Variants in CLNK observed in about 807,000 individuals in gnomAD.
The protein encoded by CLNK is cytokine-dependent hematopoietic cell linker.
Under a neutral mutation model 68.6 loss-of-function variants are expected in CLNK, and 74 were observed. That is an observed-to-expected ratio of 1.08 (90% CI 0.89 to 1.31). The LOEUF (loss-of-function observed/expected upper bound fraction) is 1.31. CLNK is among the 50% of genes most tolerant of loss of function. The probability of loss-of-function intolerance (pLI) is 0.00; values close to 1 mark genes in which losing one functional copy is unlikely to be tolerated. For missense variants in CLNK, 553 were observed against 515.3 expected (o/e 1.07, Z -0.71); for synonymous variants, 198 against 172.2 (o/e 1.15, Z -1.17).
the CLNK span, among the ~76,000 whole-genome samples, chr4:10,713,928 C>CT: frequency 2.0e-5 from 3 of 152,126 alleles, no homozygotes; most frequent in East Asian, 1.9e-4. Flanking sequence ...TAATGCAATC[C>CT]TTTTTTAGAC....
In CLNK at chr4:10,501,334, G is replaced by C. The variant is rs924115817; in HGVS notation, c.1062C>G (p.Asn354Lys). ...EPYVLAVFYE[N>K]KVYNVKIRFL... is the part of the protein sequence containing the mutation. ...AGCGTATTTTTACATTGTAGACTTT[G>C]TTCTCATAAAACACAGCCAAAACAT... is the stretch of plus-strand genomic sequence containing the variant. The change falls in exon 18 of 19, where the codon AAC becomes AAG. Residue 354 changes from asparagine (N) to lysine (K), a missense_variant. Physicochemically the swap from Asn to Lys is moderately conservative, Grantham distance 94. Transcript: ENST00000226951. 1.2e-6 allele frequency: 2 copies of C among 1,609,308 alleles called. No individual in the cohort carries two copies. Among genetic ancestry groups the C allele is most frequent in the African/African-American group, 2.7e-5 (2 of 74,610 alleles).
In CLNK at chr4:10,642,321, G is replaced by A. The variant is rs563771525; in HGVS notation, c.11+25538C>T. Among the ~76,000 whole-genome samples, 5 of 152,268 alleles carry A rather than the reference G, an allele frequency of 3.3e-5. No individual in the cohort carries two copies. In the East Asian group the frequency reaches 9.7e-4, roughly 29 times the overall value. On this transcript the variant is annotated intron_variant, in intron 2 of 18. Coordinates refer to ENST00000226951, the MANE Select transcript of CLNK (RefSeq NM_052964.4). ...GCCGAGATATTGCACTTGCCCTCAG[G>A]GAGCTTCTGATTGAAAGGCCAAGGC...
intron 2 of CLNK, among the ~76,000 whole-genome samples, chr4:10,658,022 A>G (rs1215638059): frequency 6.6e-6 from 1 of 152,142 alleles, no homozygotes; most frequent in East Asian, 1.9e-4. Flanking sequence ...TGTCTCCTCC[A>G]TTTGCTGCTT....
At chr4:10,666,879 G>A (rs1218457972) in intron 2 of CLNK, among the ~76,000 whole-genome samples, 1 of 152,172 alleles carries the variant, frequency 6.6e-6, no homozygotes, top group Non-Finnish European at 1.5e-5. Context: ...GCATCCATGG[G>A]TAGCTGAGAT....
At chr4:10,712,143 G>T in the CLNK span, among the ~76,000 whole-genome samples, 2 of 152,110 alleles carry the variant, frequency 1.3e-5, no homozygotes. Context: ...TATATTTTTG[G>T]AAAATATGTG....
chr4:10,682,856 TG>T (rs1725144515), intron 1 of CLNK, among the ~76,000 whole-genome samples: 1 of 152,148 alleles, frequency 6.6e-6, no homozygotes, highest in South Asian at 2.1e-4. Flanking sequence ...GCTATACAAC[TG>T]TGGAATATTA....
At chr4:10,698,495 A>G in the CLNK span, among the ~76,000 whole-genome samples, 1 of 152,310 alleles carries the variant, frequency 6.6e-6, no homozygotes, top group South Asian at 2.1e-4. Context: ...AGGTTTGTTC[A>G]TATTTCTGAA....
upstream of CLNK, among the ~76,000 whole-genome samples, chr4:10,686,858 TTTG>T (rs1426200786): frequency 6.6e-6 from 1 of 152,108 alleles, no homozygotes; most frequent in East Asian, 1.9e-4. Flanking sequence ...TTGAAGACAA[TTTG>T]GTTTAATGAG....
intron 8 of CLNK, among the ~76,000 whole-genome samples, chr4:10,551,553 G>A (rs1266532928): frequency 2.0e-5 from 3 of 151,986 alleles, no homozygotes. Context: ...ACAGGCATGA[G>A]CCACCACCCC....
intron 2 of CLNK, among the ~76,000 whole-genome samples, chr4:10,653,837 A>C (rs2044137761): frequency 6.6e-6 from 1 of 152,260 alleles, no homozygotes; most frequent in African/African-American, 2.4e-5. Flanking sequence ...TTATAGGCAC[A>C]ACAGACTTTA....
chr4:10,688,395 G>A (rs74589730), upstream of CLNK, among the ~76,000 whole-genome samples: 2,537 of 152,196 alleles, frequency 0.017, 105 homozygotes, highest in Admixed American at 0.086. Flanking sequence ...AAAAAAAACA[G>A]GGGGAAAAAC....
chr4:10,668,885 G>A lies in CLNK; in HGVS notation c.-42-974C>T, dbSNP rs74419136. Among the ~76,000 whole-genome samples, 85 of 152,294 alleles carry A rather than the reference G, an allele frequency of 5.6e-4. 3 individuals carry two copies. In the East Asian group the frequency reaches 0.016, roughly 29 times the overall value. ...GGCCAAACTCAACAGAAAGCCAAGG[G>A]CGAGGAGCTGTTAATATGGTTTTAT... On this transcript the variant is annotated intron_variant, in intron 1 of 18. Transcript: ENST00000226951.
intron 3 of CLNK, among the ~76,000 whole-genome samples, chr4:10,586,427 G>A (rs1394274992): frequency 6.9e-6 from 1 of 144,682 alleles, no homozygotes; most frequent in African/African-American, 2.6e-5. Context: ...CAATTCTCCT[G>A]CCTCAGCCTC....
chr4:10,488,519 G>C lies in CLNK; in HGVS notation c.*1948C>G, dbSNP rs1716437906. 1 of 152,218 alleles carries C rather than the reference G, an allele frequency of 6.6e-6. No individual in the cohort carries two copies. Among genetic ancestry groups the C allele is most frequent in the Non-Finnish European group, 1.5e-5 (1 of 68,060 alleles). The allele number at this position is 152,218 out of a possible 1,614,324, so 9.4% of individuals were successfully genotyped here. A position where few individuals can be genotyped will look rare whatever the true frequency, so the allele number is the denominator to read the frequency against. ...CAGCAACCATACAGCTTTTAGCTTTGACCGGACCAGTGAGTTCTTTCGTAT... is the reference window on the plus strand; with the variant it reads ...CAGCAACCATACAGCTTTTAGCTTTCACCGGACCAGTGAGTTCTTTCGTAT... On this transcript the variant is annotated 3_prime_UTR_variant, in exon 19 of 19. Coordinates refer to ENST00000226951, the MANE Select transcript of CLNK (RefSeq NM_052964.4).
At chr4:10,609,909 GAGA>G (rs1721941817) in intron 2 of CLNK, among the ~76,000 whole-genome samples, 2 of 152,146 alleles carry the variant, frequency 1.3e-5, no homozygotes, top group Admixed American at 1.3e-4. Context: ...TGCTGAGAGA[GAGA>G]AGGTTCCACT....
At chr4:10,501,215 G>A (rs760782547) in intron 18 of CLNK, 41 bp downstream of exon 18, 3 of 1,512,598 alleles carry the variant, frequency 2.0e-6, no homozygotes, top group Non-Finnish European at 2.6e-6. Flanking sequence ...TTTATTTGTT[G>A]CGCTTAGCCT....
At chr4:10,566,912 A>G (rs1720142125) in intron 5 of CLNK, among the ~76,000 whole-genome samples, 1 of 152,138 alleles carries the variant, frequency 6.6e-6, no homozygotes, top group Non-Finnish European at 1.5e-5. Context: ...GAAGTGCAAA[A>G]TTTGTACACT....
At chr4:10,574,410 C>T (rs1340965360) in intron 4 of CLNK, among the ~76,000 whole-genome samples, 2 of 152,214 alleles carry the variant, frequency 1.3e-5, no homozygotes, top group Non-Finnish European at 2.9e-5. Flanking sequence ...TAGCCAGAAT[C>T]TCCCATTCTC....
At chr4:10,666,761 A>G (rs1724412471) in intron 2 of CLNK, among the ~76,000 whole-genome samples, 1 of 152,232 alleles carries the variant, frequency 6.6e-6, no homozygotes, top group African/African-American at 2.4e-5. Context: ...ACTACGTGCC[A>G]GGGAGCTCCT....
Sources: allele counts gnomAD v4.1 joint callset (sites outside exome capture counted in the v4.1 genomes callset), GRCh38; gene constraint gnomAD v4.1.1; transcripts MANE v1.5; gene names NCBI Gene and HGNC (gene_info 2026-07-23, HGNC 2026-07-21).